SORCS1: variants seen among roughly 807,000 people sequenced by gnomAD.
SORCS1 encodes sortilin related VPS10 domain containing receptor 1, also known as VPS10 domain-containing receptor SorCS1.
SORCS1 carries 60 observed loss-of-function variants against 146.1 expected under a neutral mutation model. The observed-to-expected ratio is 0.41, with a 90% CI of 0.33 to 0.51. The LOEUF is 0.51. Ranked by LOEUF, SORCS1 falls within the 20% of genes least tolerant of loss-of-function variation. The pLI is 0.21. For missense variants in SORCS1, 1,352 were observed against 1,487.6 expected (o/e 0.91, Z 1.50); for synonymous variants, 637 against 584.0 (o/e 1.09, Z -1.31).
chr10:106,661,327 G>C (rs1414683327), intron 17 of SORCS1, among the ~76,000 whole-genome samples: 1 of 152,196 alleles, frequency 6.6e-6, no homozygotes, highest in Non-Finnish European at 1.5e-5. Context: ...GTGGCATAAA[G>C]GGACAGACGT....
At chr10:106,828,243 A>G (rs548590840) in intron 3 of SORCS1, among the ~76,000 whole-genome samples, 1 of 152,172 alleles carries the variant, frequency 6.6e-6, no homozygotes, top group South Asian at 2.1e-4. Context: ...TGCTCAACTG[A>G]AAAGTTATGC....
intron 6 of SORCS1, among the ~76,000 whole-genome samples, chr10:106,710,396 C>T (rs1589713517): frequency 7.5e-6 from 1 of 133,008 alleles, no homozygotes; most frequent in African/African-American, 2.8e-5. Context: ...TGCAGTGGGC[C>T]AAGATCACGC....
intron 4 of SORCS1, among the ~76,000 whole-genome samples, chr10:106,770,701 CA>C (rs956225173): frequency 1.3e-5 from 2 of 152,058 alleles, no homozygotes; most frequent in Admixed American, 6.6e-5. Flanking sequence ...TTACTTCTCT[CA>C]AAAAAAGAAA....
intron 2 of SORCS1, among the ~76,000 whole-genome samples, chr10:106,849,701 C>T (rs1179034661): frequency 6.6e-6 from 1 of 151,020 alleles, no homozygotes; most frequent in Non-Finnish European, 1.5e-5. Context: ...TCTGTTTTTT[C>T]CCCATCTTTG....
intron 2 of SORCS1, among the ~76,000 whole-genome samples, chr10:106,915,986 C>A (rs1256448177): frequency 6.6e-6 from 1 of 152,186 alleles, no homozygotes; most frequent in Non-Finnish European, 1.5e-5. Context: ...ATCCTAAAAA[C>A]CTTGATGGCT....
At chr10:106,989,897 A>G (rs1409369867) in intron 1 of SORCS1, among the ~76,000 whole-genome samples, 1 of 151,918 alleles carries the variant, frequency 6.6e-6, no homozygotes, top group Non-Finnish European at 1.5e-5. Context: ...CATGTTAGCC[A>G]GGATGGTCTC....
intron 3 of SORCS1, among the ~76,000 whole-genome samples, chr10:106,787,831 C>T (rs1589877285): frequency 6.6e-6 from 1 of 152,230 alleles, no homozygotes; most frequent in East Asian, 1.9e-4. Flanking sequence ...ATAAAAGCTC[C>T]AATTCTGTTT....
chr10:106,648,154 T>C (rs1849591571), intron 18 of SORCS1, among the ~76,000 whole-genome samples: 2 of 152,164 alleles, frequency 1.3e-5, no homozygotes, highest in Non-Finnish European at 2.9e-5. Context: ...CATTCCTATA[T>C]CTACCATTTT....
At chr10:106,579,294 T>TA in intron 25 of SORCS1, 75 bp downstream of exon 25, 1 of 1,614,046 alleles carries the variant, frequency 6.2e-7, no homozygotes, top group South Asian at 1.1e-5. Flanking sequence ...CACATCACTG[T>TA]AACACATGCT....
intron 19 of SORCS1, among the ~76,000 whole-genome samples, chr10:106,623,639 T>C (rs1345237523): frequency 6.6e-6 from 1 of 152,052 alleles, no homozygotes; most frequent in African/African-American, 2.4e-5. Flanking sequence ...AACATGGTAA[T>C]TCATTCACTC....
chr10:107,133,592 T>A (rs1967032250), intron 1 of SORCS1, among the ~76,000 whole-genome samples: 2 of 152,188 alleles, frequency 1.3e-5, no homozygotes, highest in Admixed American at 6.5e-5. Flanking sequence ...GTACAGAAGA[T>A]GTTTTTACAG....
chr10:106,757,174 T>C (rs1179026549), intron 5 of SORCS1, among the ~76,000 whole-genome samples: 1 of 152,208 alleles, frequency 6.6e-6, no homozygotes, highest in Non-Finnish European at 1.5e-5. Context: ...ATTTATTACT[T>C]CCAGGGGTGG....
chr10:107,081,123 G>T (rs1044465959), intron 1 of SORCS1, among the ~76,000 whole-genome samples: 4 of 152,132 alleles, frequency 2.6e-5, no homozygotes, highest in Admixed American at 6.5e-5. Flanking sequence ...AATCCAAAAA[G>T]CTGTATCTCT....
chr10:107,139,991 C>T (rs1034753345), intron 1 of SORCS1, among the ~76,000 whole-genome samples: 146 of 152,282 alleles, frequency 9.6e-4, no homozygotes, highest in African/African-American at 3.3e-3. Context: ...AAAACTCAAA[C>T]CCAGGTTCAT....
intron 18 of SORCS1, among the ~76,000 whole-genome samples, chr10:106,651,004 C>T (rs1002791322): frequency 1.3e-5 from 2 of 152,138 alleles, no homozygotes; most frequent in Non-Finnish European, 1.5e-5. Flanking sequence ...ATATGAGCAA[C>T]TCCAATTTGC....
At chr10:106,582,782 T>C (rs2133214161) in intron 24 of SORCS1, among the ~76,000 whole-genome samples, 1 of 152,326 alleles carries the variant, frequency 6.6e-6, no homozygotes, top group Middle Eastern at 3.4e-3. Context: ...TACTTGCACA[T>C]ATCATTTCTA....
Position 106,776,255 on chromosome 10 carries a change from G to A in SORCS1, c.885+279C>T, listed in dbSNP as rs562612148. On this transcript the variant is annotated intron_variant, in intron 4 of 25. Coordinates refer to ENST00000263054, the MANE Select transcript of SORCS1 (RefSeq NM_052918.5). ...TGTCTCCAATTCAGTGGGGGTCAGA[G>A]GCTCCTGACTGCCTTAAGCATCTAT... Among the ~76,000 whole-genome samples, 10 of 152,272 alleles carry A rather than the reference G, an allele frequency of 6.6e-5. No individual in the cohort carries two copies. In the South Asian group the frequency reaches 1.9e-3, roughly 28 times the overall value.
chr10:107,170,957 C>G, the SORCS1 span, among the ~76,000 whole-genome samples: 3 of 152,312 alleles, frequency 2.0e-5, no homozygotes, highest in Admixed American at 2.0e-4. Flanking sequence ...ATGTCACTCA[C>G]TAACTGTACA....
intron 1 of SORCS1, among the ~76,000 whole-genome samples, chr10:107,006,686 G>A (rs555456039): frequency 1.4e-4 from 21 of 152,214 alleles, no homozygotes; most frequent in Middle Eastern, 3.4e-3. Flanking sequence ...ATGTGGTGGC[G>A]GGCGCCTGTA....
Sources: allele counts gnomAD v4.1 joint callset (sites outside exome capture counted in the v4.1 genomes callset), GRCh38; gene constraint gnomAD v4.1.1; transcripts MANE v1.5; gene names NCBI Gene and HGNC (gene_info 2026-07-23, HGNC 2026-07-21).